The following OLA1 variants were observed in gnomAD, a reference collection of about 807,000 sequenced individuals.
OLA1 encodes the protein Obg like ATPase 1.
A neutral mutation model predicts 48.4 loss-of-function variants in OLA1; 14 were observed. The ratio of observed to expected loss-of-function variants is 0.29; its 90% CI spans 0.19 to 0.45. The LOEUF (loss-of-function observed/expected upper bound fraction) is 0.45. Ranked by LOEUF, OLA1 falls within the 20% of genes least tolerant of loss-of-function variation. The pLI is 1.00. For synonymous variants in OLA1, 127 were observed against 150.4 expected (o/e 0.84, Z 1.14); for missense variants, 325 against 467.1 (o/e 0.70, Z 2.80).
chr2:174,080,748 C>T (rs796601209), intron 9 of OLA1, among the ~76,000 whole-genome samples: 97 of 152,036 alleles, frequency 6.4e-4, no homozygotes, highest in African/African-American at 2.3e-3. Flanking sequence ...AAATGTAATC[C>T]GAGCAAAGCA....
Position 174,243,489 on chromosome 2 carries a change from G to A in OLA1, c.101+3226C>T, listed in dbSNP as rs1184473483. Among the ~76,000 whole-genome samples the A allele has an allele frequency of 2.6e-5, 4 of 152,138 alleles. No individual in the cohort carries two copies. In the South Asian group the frequency reaches 6.2e-4, roughly 24 times the overall value. ...CATCCAGCCGTCAAAGGGGAAATAT[G>A]TATCCCATTAACAAATAATTACTAA... is the stretch of plus-strand genomic sequence containing the variant. On this transcript the variant is annotated intron_variant, in intron 2 of 10. Coordinates refer to ENST00000284719, the MANE Select transcript of OLA1 (RefSeq NM_013341.5).
At chr2:174,184,285 G>A (rs1687606187) in intron 4 of OLA1, among the ~76,000 whole-genome samples, 1 of 152,118 alleles carries the variant, frequency 6.6e-6, no homozygotes, top group South Asian at 2.1e-4. Context: ...AACCAAGCAA[G>A]GAAGATCACT....
chr2:174,079,095 G>A lies in OLA1; in HGVS notation c.967-5C>T. 2 of 1,575,742 alleles carry A rather than the reference G, an allele frequency of 1.3e-6. No homozygotes were observed. The highest frequency in any genetic ancestry group is 3.9e-5 in the Admixed American group (2 of 51,884). The stretch of plus-strand genomic sequence containing the variant: ...CTGAGGAGCCTTAGTCCCTTTCTTT[G>A]AAAAGAAAGACCAGAGAAAACTAAT... On this transcript the variant is annotated splice_region_variant and splice_polypyrimidine_tract_variant and intron_variant, in intron 9 of 10. Transcript: ENST00000284719.
At chr2:174,110,285 T>C (rs1415910516) in intron 7 of OLA1, among the ~76,000 whole-genome samples, 2 of 150,224 alleles carry the variant, frequency 1.3e-5, no homozygotes, top group East Asian at 4.0e-4. Flanking sequence ...ATTACAGGCA[T>C]GTGCCACCAT....
intron 7 of OLA1, among the ~76,000 whole-genome samples, chr2:174,110,725 G>A (rs1685629210): frequency 6.6e-6 from 1 of 152,128 alleles, no homozygotes; most frequent in South Asian, 2.1e-4. Context: ...GGGACTATAG[G>A]CGCATGCCAC....
intron 2 of OLA1, among the ~76,000 whole-genome samples, chr2:174,235,776 C>G (rs1688833974): frequency 6.6e-6 from 1 of 152,136 alleles, no homozygotes; most frequent in African/African-American, 2.4e-5. Flanking sequence ...CTCAAGAACG[C>G]AGCTAAGTAA....
At chr2:174,155,890 G>A (rs1338767652) in intron 4 of OLA1, among the ~76,000 whole-genome samples, 1 of 152,156 alleles carries the variant, frequency 6.6e-6, no homozygotes, top group Non-Finnish European at 1.5e-5. Context: ...CAGGATGGAA[G>A]TATAACAGAA....
chr2:174,124,201 C>G, intron 5 of OLA1: 1 of 152,548 alleles, frequency 6.6e-6, no homozygotes, highest in Non-Finnish European at 1.5e-5. Context: ...CCACTTCTCC[C>G]GCAGCCGCAC....
At chr2:174,172,241 AG>A (rs1687323483) in intron 4 of OLA1, 1 of 211,472 alleles carries the variant, frequency 4.7e-6, no homozygotes, top group African/African-American at 2.3e-5. Flanking sequence ...TTCCAGTTCA[AG>A]GCAGTAAATA....
chr2:174,164,506 T>C (rs1205248955), intron 4 of OLA1, among the ~76,000 whole-genome samples: 1 of 151,530 alleles, frequency 6.6e-6, no homozygotes, highest in East Asian at 1.9e-4. Context: ...ATCAGAATTA[T>C]ACTGCTCTAA....
intron 2 of OLA1, among the ~76,000 whole-genome samples, chr2:174,238,558 A>G (rs1240003075): frequency 6.6e-6 from 1 of 152,016 alleles, no homozygotes; most frequent in Non-Finnish European, 1.5e-5. Context: ...GCTATAATCA[A>G]AAAGATAACA....
At chr2:174,101,950 C>T (rs1214584093) in intron 7 of OLA1, among the ~76,000 whole-genome samples, 1 of 152,112 alleles carries the variant, frequency 6.6e-6, no homozygotes, top group African/African-American at 2.4e-5. Context: ...AAGTAGATTC[C>T]ATTGTGGATA....
chr2:174,140,340 T>C (rs1319850430), intron 5 of OLA1, among the ~76,000 whole-genome samples: 1 of 151,730 alleles, frequency 6.6e-6, no homozygotes, highest in Admixed American at 6.6e-5. Flanking sequence ...CATAATCATA[T>C]AGTTATCCCT....
intron 7 of OLA1, among the ~76,000 whole-genome samples, chr2:174,090,726 T>A (rs1197733067): frequency 6.6e-6 from 1 of 152,186 alleles, no homozygotes; most frequent in Non-Finnish European, 1.5e-5. Context: ...TAGGAACACT[T>A]AATTAACCAA....
chr2:174,099,218 C>T (rs1410736295), intron 7 of OLA1, among the ~76,000 whole-genome samples: 1 of 151,018 alleles, frequency 6.6e-6, no homozygotes, highest in Admixed American at 6.6e-5. Context: ...TGCAGTGGTG[C>T]GATCTCAGCT....
rs1433302995 is a variant in OLA1, at chr2:174,161,711, CACACAT to C, written c.374-19717_374-19712del. On this transcript the variant is annotated intron_variant, in intron 4 of 10. Transcript: ENST00000284719. ...ACACACACACACACACACACACACA[CACACAT>C]AGATAGATAGACACACATACATACA... Among the ~76,000 whole-genome samples, 17 of 139,360 alleles carry C rather than the reference CACACAT, an allele frequency of 1.2e-4. No homozygotes were observed. The East Asian group carries it at 1.2e-3, about 10-fold the overall frequency. 91.4% of individuals were successfully genotyped at this position (139,360 alleles called of 152,430 possible).
intron 5 of OLA1, among the ~76,000 whole-genome samples, chr2:174,131,005 T>C (rs765884938): frequency 1.1e-4 from 17 of 152,074 alleles, no homozygotes; most frequent in Non-Finnish European, 2.1e-4. Context: ...AAAATCAAAG[T>C]AGGAAAATAA....
At chr2:174,196,935 G>T (rs1687889936) in intron 4 of OLA1, among the ~76,000 whole-genome samples, 1 of 151,166 alleles carries the variant, frequency 6.6e-6, no homozygotes, top group Non-Finnish European at 1.5e-5. Flanking sequence ...GTTTATATAA[G>T]ACAATGTATT....
intron 7 of OLA1, among the ~76,000 whole-genome samples, chr2:174,109,779 C>A (rs557898163): frequency 6.6e-6 from 1 of 152,220 alleles, no homozygotes; most frequent in South Asian, 2.1e-4. Flanking sequence ...AGCATTATCA[C>A]CCATTTTTCT....
Sources: allele counts gnomAD v4.1 joint callset (sites outside exome capture counted in the v4.1 genomes callset), GRCh38; gene constraint gnomAD v4.1.1; transcripts MANE v1.5; gene names NCBI Gene and HGNC (gene_info 2026-07-23, HGNC 2026-07-21).